Variants in MAGI3 observed in about 807,000 individuals in gnomAD.
MAGI3 encodes the protein membrane associated guanylate kinase, WW and PDZ domain containing 3, also known as membrane-associated guanylate kinase, WW and PDZ domain-containing protein 3.
MAGI3 carries 43 observed loss-of-function variants against 121.8 expected under a neutral mutation model. That is an observed-to-expected ratio of 0.35 (90% confidence interval 0.28 to 0.46). MAGI3 has a LOEUF of 0.46. Among genes scored for constraint, MAGI3 ranks in the 20% least tolerant of loss-of-function variants. The pLI is 1.00. For synonymous variants in MAGI3, 553 were observed against 639.3 expected (o/e 0.86, Z 2.04); for missense variants, 1,547 against 1,797.3 (o/e 0.86, Z 2.52).
At chr1:113,621,911 G>A (rs1258904255) in intron 8 of MAGI3, among the ~76,000 whole-genome samples, 15 of 152,050 alleles carry the variant, frequency 9.9e-5, no homozygotes, top group Admixed American at 9.8e-4. Flanking sequence ...ATCTATACAT[G>A]GATAGTAGAT....
At chr1:113,660,616 ATTTT>A (rs11363456) in intron 16 of MAGI3, among the ~76,000 whole-genome samples, 3 of 129,306 alleles carry the variant, frequency 2.3e-5, no homozygotes, top group Non-Finnish European at 3.2e-5. Context: ...GATGCTCAGC[ATTTT>A]TTTTTTTTTT....
Position 113,683,812 on chromosome 1 carries a change from C to G in MAGI3, c.4244C>G (p.Pro1415Arg), listed in dbSNP as rs558572172. The G allele has an allele frequency of 5.0e-6, 8 of 1,610,410 alleles. No individual in the cohort carries two copies. In the South Asian group the frequency reaches 8.9e-5, roughly 18 times the overall value. ...QLSEKRLKQE[P>R]EEKVVSNKTE... ...TCAGAAAAGAGGCTGAAGCAAGAACCTGAAGAGAAGGTAGTTTCAAACAAA... is the reference window on the plus strand; with the variant it reads ...TCAGAAAAGAGGCTGAAGCAAGAACGTGAAGAGAAGGTAGTTTCAAACAAA... The change falls in exon 21 of 21, where the codon CCT (proline) becomes CGT (arginine). Residue 1415 changes from proline (P) to arginine (R), a missense_variant. Transcript: ENST00000307546.
intron 8 of MAGI3, among the ~76,000 whole-genome samples, chr1:113,621,844 A>G (rs1650838566): frequency 6.6e-6 from 1 of 151,972 alleles, no homozygotes. Context: ...GAAAGAAACC[A>G]TTCAAAAAAC....
chr1:113,568,923 G>T (rs1170302767), intron 2 of MAGI3, among the ~76,000 whole-genome samples: 1 of 152,008 alleles, frequency 6.6e-6, no homozygotes, highest in Non-Finnish European at 1.5e-5. Context: ...TAAAGGAAAA[G>T]ATTTATACAT....
At chr1:113,586,055 CAAAG>C (rs901362107) in intron 4 of MAGI3, among the ~76,000 whole-genome samples, 6 of 152,098 alleles carry the variant, frequency 3.9e-5, no homozygotes, top group Non-Finnish European at 7.4e-5. Context: ...TGGATTCACT[CAAAG>C]AAAAATTTCA....
At chr1:113,560,630 A>C (rs1001692402) in intron 2 of MAGI3, among the ~76,000 whole-genome samples, 1 of 152,160 alleles carries the variant, frequency 6.6e-6, no homozygotes, top group African/African-American at 2.4e-5. Flanking sequence ...GTTAAGAGGG[A>C]AATTTATAGT....
chr1:113,513,624 A>G (rs1657730862), intron 1 of MAGI3, among the ~76,000 whole-genome samples: 1 of 152,174 alleles, frequency 6.6e-6, no homozygotes, highest in African/African-American at 2.4e-5. Flanking sequence ...ACAAAAATTA[A>G]TTCAAGATGG....
At chr1:113,571,406 T>G (rs574437832) in intron 2 of MAGI3, among the ~76,000 whole-genome samples, 4 of 152,338 alleles carry the variant, frequency 2.6e-5, no homozygotes, top group Non-Finnish European at 4.4e-5. Context: ...AAATTTAAAG[T>G]AGTTTTTTCT....
chr1:113,621,252 G>A (rs549760011), intron 8 of MAGI3, among the ~76,000 whole-genome samples: 1 of 152,312 alleles, frequency 6.6e-6, no homozygotes, highest in African/African-American at 2.4e-5. Context: ...ACAGCATAGG[G>A]TATTTGTAGG....
At chr1:113,551,257 C>T (rs935768295) in intron 2 of MAGI3, among the ~76,000 whole-genome samples, 5 of 152,154 alleles carry the variant, frequency 3.3e-5, no homozygotes, top group Non-Finnish European at 5.9e-5. Context: ...ACTGCTTGGC[C>T]TAGAGAGGCA....
intron 1 of MAGI3, among the ~76,000 whole-genome samples, chr1:113,510,808 C>G (rs904749945): frequency 1.3e-5 from 2 of 152,186 alleles, no homozygotes; most frequent in African/African-American, 4.8e-5. Context: ...CCACATTTAA[C>G]TGCATGCTGT....
chr1:113,536,148 T>TTG (rs1658973928), intron 1 of MAGI3, among the ~76,000 whole-genome samples: 1 of 77,438 alleles, frequency 1.3e-5, no homozygotes, highest in Non-Finnish European at 3.1e-5. Flanking sequence ...ACATGTGTTT[T>TTG]TTTTTTTTTT....
chr1:113,412,318 T>C (rs1652043881), intron 1 of MAGI3, among the ~76,000 whole-genome samples: 1 of 152,180 alleles, frequency 6.6e-6, no homozygotes, highest in Non-Finnish European at 1.5e-5. Context: ...TTGTGAATAG[T>C]GCCGCAATAA....
intron 1 of MAGI3, among the ~76,000 whole-genome samples, chr1:113,535,707 T>C (rs1658943480): frequency 6.6e-6 from 1 of 152,220 alleles, no homozygotes; most frequent in African/African-American, 2.4e-5. Context: ...ATGAAAATAC[T>C]TATTACCGCA....
At chr1:113,509,450 G>A (rs1463927483) in intron 1 of MAGI3, among the ~76,000 whole-genome samples, 1 of 138,876 alleles carries the variant, frequency 7.2e-6, no homozygotes, top group African/African-American at 2.7e-5. Context: ...CCAATGCTGA[G>A]ACATTTGTAA....
chr1:113,669,883 C>G (rs1647432134), intron 16 of MAGI3, among the ~76,000 whole-genome samples: 1 of 151,332 alleles, frequency 6.6e-6, no homozygotes, highest in Non-Finnish European at 1.5e-5. Flanking sequence ...TGTGTTAAAA[C>G]TGGAGTCTAA....
At chr1:113,494,627 G>A (rs1389783990) in intron 1 of MAGI3, among the ~76,000 whole-genome samples, 1 of 152,124 alleles carries the variant, frequency 6.6e-6, no homozygotes, top group Non-Finnish European at 1.5e-5. Flanking sequence ...AAACTAGGCA[G>A]AAACTGAAAT....
intron 5 of MAGI3, among the ~76,000 whole-genome samples, chr1:113,592,488 G>C (rs1221932957): frequency 6.6e-6 from 1 of 152,142 alleles, no homozygotes; most frequent in African/African-American, 2.4e-5. Context: ...GCAGTTTTTA[G>C]TTGGGTTTAG....
At chr1:113,578,919 T>C (rs1647830088) in intron 2 of MAGI3, among the ~76,000 whole-genome samples, 1 of 150,752 alleles carries the variant, frequency 6.6e-6, no homozygotes, top group Non-Finnish European at 1.5e-5. Flanking sequence ...ATAATCATTA[T>C]TTTCTCAGAT....
Sources: gnomAD v4.1 joint callset for allele counts (sites outside exome capture counted in the v4.1 genomes callset) on GRCh38, gnomAD v4.1.1 for gene constraint, MANE v1.5 for transcripts, NCBI Gene and HGNC (gene_info 2026-07-23, HGNC 2026-07-21) for gene names.